Variants in DLGAP2 observed in about 807,000 individuals in gnomAD.
DLGAP2 encodes disks large-associated protein 2.
In DLGAP2, 26 loss-of-function variants were observed where a neutral mutation model predicts 100.3. The ratio of observed to expected loss-of-function variants is 0.26; its 90% CI spans 0.19 to 0.36. DLGAP2 has a LOEUF of 0.36. DLGAP2 is among the 10% of genes least tolerant of loss of function. The pLI is 1.00. For synonymous variants in DLGAP2, 886 were observed against 630.1 expected (o/e 1.41, Z -6.08); for missense variants, 1,858 against 1,453.2 (o/e 1.28, Z -4.53).
At chr8:1,695,584 G>A (rs1157591828) in intron 13 of DLGAP2, among the ~76,000 whole-genome samples, 1 of 150,818 alleles carries the variant, frequency 6.6e-6, no homozygotes, top group East Asian at 2.0e-4. Flanking sequence ...GAAAGAGGGG[G>A]CACAGCCTTG....
At chr8:1,290,303 C>T (rs185166094) in intron 3 of DLGAP2, among the ~76,000 whole-genome samples, 5 of 152,324 alleles carry the variant, frequency 3.3e-5, no homozygotes, top group Admixed American at 1.3e-4. Flanking sequence ...CCAATTCCAT[C>T]GAGTTGTCAT....
At chr8:1,122,904 T>TG (rs1301598581) in intron 2 of DLGAP2, among the ~76,000 whole-genome samples, 1 of 152,204 alleles carries the variant, frequency 6.6e-6, no homozygotes, top group East Asian at 1.9e-4. Flanking sequence ...ATAGGAGCTC[T>TG]GGGAAGAGTG....
intron 3 of DLGAP2, among the ~76,000 whole-genome samples, chr8:1,475,047 G>C (rs1394068488): frequency 6.6e-6 from 1 of 152,158 alleles, no homozygotes; most frequent in East Asian, 1.9e-4. Flanking sequence ...ATACTACGCA[G>C]CCATCAGGAA....
chr8:887,336 C>A (rs1482170182), intron 1 of DLGAP2, among the ~76,000 whole-genome samples: 1 of 152,130 alleles, frequency 6.6e-6, no homozygotes, highest in Non-Finnish European at 1.5e-5. Flanking sequence ...ATTTGCCAGT[C>A]TGTGTCTGTT....
chr8:1,155,156 T>C (rs960696833), intron 2 of DLGAP2, among the ~76,000 whole-genome samples: 4 of 152,112 alleles, frequency 2.6e-5, no homozygotes, highest in African/African-American at 9.7e-5. Flanking sequence ...GCTGGCCGGG[T>C]CCCGTGTCCC....
At chr8:1,538,137 A>G (rs550837488) in intron 4 of DLGAP2, among the ~76,000 whole-genome samples, 39 of 152,288 alleles carry the variant, frequency 2.6e-4, no homozygotes, top group Admixed American at 7.2e-4. Flanking sequence ...CCCATGCAGC[A>G]TGGCCTCAGT....
intron 3 of DLGAP2, among the ~76,000 whole-genome samples, chr8:1,366,722 C>T (rs1011855611): frequency 6.6e-6 from 1 of 152,116 alleles, no homozygotes; most frequent in African/African-American, 2.4e-5. Context: ...GCCTGCACCC[C>T]ACAAGGATGG....
intron 2 of DLGAP2, among the ~76,000 whole-genome samples, chr8:1,069,812 C>G (rs2129037056): frequency 6.6e-6 from 1 of 152,272 alleles, no homozygotes; most frequent in Non-Finnish European, 1.5e-5. Flanking sequence ...CAATGCGTGT[C>G]TTGTGGAGGA....
At chr8:1,052,207 C>T (rs976602643) in intron 2 of DLGAP2, among the ~76,000 whole-genome samples, 1 of 152,150 alleles carries the variant, frequency 6.6e-6, no homozygotes, top group East Asian at 1.9e-4. Flanking sequence ...ACCACCCCTT[C>T]CCCCCATTCT....
chr8:1,217,659 G>T (rs139999596), intron 2 of DLGAP2, among the ~76,000 whole-genome samples: 1 of 151,964 alleles, frequency 6.6e-6, no homozygotes, highest in South Asian at 2.1e-4. Flanking sequence ...TAACCTCCCT[G>T]GTTAGCTATA....
intron 3 of DLGAP2, among the ~76,000 whole-genome samples, chr8:1,487,687 C>G (rs1340758798): frequency 6.6e-6 from 1 of 152,182 alleles, no homozygotes; most frequent in African/African-American, 2.4e-5. Context: ...ATATGTGATT[C>G]TCCTGCCTGG....
At position 969,022 on chromosome 8, in the gene DLGAP2, G is replaced by A. The variant is rs558664624; in HGVS notation, c.73+61056G>A. Among the ~76,000 whole-genome samples, 5 of 152,342 alleles carry A rather than the reference G, an allele frequency of 3.3e-5. No homozygotes were observed. In the East Asian group the frequency reaches 5.8e-4, roughly 18 times the overall value. On this transcript the variant is annotated intron_variant, in intron 2 of 14. Coordinates refer to ENST00000637795, the MANE Select transcript of DLGAP2 (RefSeq NM_001346810.2). ...TGTGGGTTCATCTGTGGCTCAGCTC[G>A]TGTGGGCCATGGGGTTCCCAGGCAT...
chr8:1,188,692 C>G (rs186413661), intron 2 of DLGAP2, among the ~76,000 whole-genome samples: 19 of 152,112 alleles, frequency 1.2e-4, no homozygotes, highest in African/African-American at 4.1e-4. Context: ...AGAGATGTTG[C>G]TTCTCTTTTT....
intron 2 of DLGAP2, among the ~76,000 whole-genome samples, chr8:1,219,772 C>G (rs1279146119): frequency 6.6e-6 from 1 of 151,920 alleles, no homozygotes; most frequent in African/African-American, 2.4e-5. Flanking sequence ...TAGCTTATTA[C>G]AGAATCAATT....
At chr8:1,621,259 A>C (rs977455093) in intron 6 of DLGAP2, 5 of 152,492 alleles carry the variant, frequency 3.3e-5, no homozygotes, top group African/African-American at 1.2e-4. Flanking sequence ...AGTGGACGAG[A>C]GCCGGAGGTG....
chr8:1,158,353 CA>C (rs1179660631), intron 2 of DLGAP2, among the ~76,000 whole-genome samples: 1 of 152,198 alleles, frequency 6.6e-6, no homozygotes, highest in Non-Finnish European at 1.5e-5. Flanking sequence ...TATGTATGTA[CA>C]TATGTAATCT....
chr8:906,595 T>C (rs1430791814), intron 1 of DLGAP2, among the ~76,000 whole-genome samples: 3 of 152,142 alleles, frequency 2.0e-5, no homozygotes, highest in African/African-American at 7.2e-5. Flanking sequence ...AGGGAAACAG[T>C]GTCAGATACG....
At chr8:846,871 C>G (rs1444108363) in intron 1 of DLGAP2, among the ~76,000 whole-genome samples, 1 of 152,150 alleles carries the variant, frequency 6.6e-6, no homozygotes, top group Non-Finnish European at 1.5e-5. Context: ...TTGAGCACAT[C>G]CATGTCTGGC....
At chr8:1,082,755 C>G (rs1024494873) in intron 2 of DLGAP2, among the ~76,000 whole-genome samples, 2 of 152,116 alleles carry the variant, frequency 1.3e-5, no homozygotes, top group East Asian at 3.9e-4. Flanking sequence ...GATTGAAAAA[C>G]CTGGTAGGAA....
Sources: gnomAD v4.1 joint callset for allele counts (sites outside exome capture counted in the v4.1 genomes callset) on GRCh38, gnomAD v4.1.1 for gene constraint, MANE v1.5 for transcripts, NCBI Gene and HGNC (gene_info 2026-07-23, HGNC 2026-07-21) for gene names.